UTRN: variants seen among roughly 807,000 people sequenced by gnomAD.
The protein encoded by UTRN is dystrophin-related protein 1.
Under a neutral mutation model 463.9 loss-of-function variants are expected in UTRN, and 283 were observed. The observed-to-expected ratio is 0.61, with a 90% confidence interval of 0.55 to 0.67. The LOEUF is 0.67. Ranked by LOEUF, UTRN falls within the 30% of genes least tolerant of loss-of-function variation. The pLI is 0.00. For synonymous variants in UTRN, 1,442 were observed against 1,431.5 expected, an observed-to-expected ratio of 1.01 and a Z score of -0.17; for missense variants, 3,922 against 4,084.3, an observed-to-expected ratio of 0.96 and a Z score of 1.08.
chr6:144,428,692 A>G (rs1280913204), intron 7 of UTRN, 86 bp from the exon 8 acceptor site: 3 of 695,950 alleles, frequency 4.3e-6, no homozygotes, highest in Admixed American at 3.6e-5. Flanking sequence ...AAAATAATCT[A>G]AAACTAAAAT....
At position 144,462,517 on chromosome 6, in the gene UTRN, C is replaced by T. The variant is rs537609863; in HGVS notation, c.2854-137C>T. 3.6e-5 allele frequency: 27 copies of T among 759,602 alleles called. No individual in the cohort carries two copies. In the African/African-American group the frequency reaches 4.6e-4, roughly 13 times the overall value. The allele number at this position is 759,602 out of a possible 1,614,324, so 47.1% of individuals were successfully genotyped here. A position where few individuals can be genotyped will look rare whatever the true frequency, so the allele number is the denominator to read the frequency against. On this transcript the variant is annotated intron_variant, in intron 22 of 74. Coordinates refer to ENST00000367545, the MANE Select transcript of UTRN (RefSeq NM_007124.3). The stretch of plus-strand genomic sequence containing the variant: ...CACAGTGGTTGAACTAATTCACACT[C>T]CCACCCACTGTTCTTTTTAGATAAA...
chr6:144,690,412 T>C lies in UTRN; in HGVS notation c.7653-9675T>C, dbSNP rs1783276241. Among the ~76,000 whole-genome samples, 3 of 151,952 alleles carry C rather than the reference T, an allele frequency of 2.0e-5. 1 individual carries two copies. In the South Asian group the frequency reaches 6.2e-4, roughly 32 times the overall value. Reference sequence around the variant, plus strand: ...GCAGCATTCCACTAACAGCAACAGCTAGCAAAGTTCCAGCCAGTCTGCACT... The same window carrying C: ...GCAGCATTCCACTAACAGCAACAGCCAGCAAAGTTCCAGCCAGTCTGCACT... On this transcript the variant is annotated intron_variant, in intron 52 of 74. Transcript: ENST00000367545.
intron 51 of UTRN, among the ~76,000 whole-genome samples, chr6:144,652,618 C>G (rs1478117348): frequency 6.6e-6 from 1 of 152,128 alleles, no homozygotes; most frequent in African/African-American, 2.4e-5. Flanking sequence ...AACTTTAGAC[C>G]GTAGTATCAC....
intron 51 of UTRN, among the ~76,000 whole-genome samples, chr6:144,664,461 T>C (rs2128674418): frequency 6.9e-6 from 1 of 145,138 alleles, no homozygotes; most frequent in Non-Finnish European, 1.5e-5. Context: ...TTTTCTACTC[T>C]GTTGTCTTAC....
intron 13 of UTRN, 143 bp downstream of exon 13, chr6:144,440,614 G>A (rs935073732): frequency 8.1e-6 from 9 of 1,109,474 alleles, no homozygotes; most frequent in Non-Finnish European, 1.2e-5. Context: ...TCTCAGTTGG[G>A]GTTCTACAGT....
intron 16 of UTRN, among the ~76,000 whole-genome samples, chr6:144,448,312 T>C (rs1455793864): frequency 6.6e-6 from 1 of 152,250 alleles, no homozygotes; most frequent in Non-Finnish European, 1.5e-5. Flanking sequence ...ACGCTATGAT[T>C]CCATTCATAG....
At chr6:144,496,147 T>C (rs1312607453) in intron 33 of UTRN, among the ~76,000 whole-genome samples, 1 of 152,224 alleles carries the variant, frequency 6.6e-6, no homozygotes, top group Non-Finnish European at 1.5e-5. Context: ...GCAAAGAATG[T>C]GTGGAAGTGT....
intron 51 of UTRN, among the ~76,000 whole-genome samples, chr6:144,621,918 G>T (rs1269415445): frequency 6.6e-6 from 1 of 151,060 alleles, no homozygotes; most frequent in Non-Finnish European, 1.5e-5. Context: ...CTTCCTCCTT[G>T]TCCTCCTTTT....
intron 52 of UTRN, among the ~76,000 whole-genome samples, chr6:144,688,872 G>C (rs1165332157): frequency 3.3e-5 from 5 of 152,202 alleles, no homozygotes; most frequent in Non-Finnish European, 7.3e-5. Context: ...AGGTGTCCAT[G>C]AGTAAAAACC....
intron 51 of UTRN, among the ~76,000 whole-genome samples, chr6:144,653,378 G>T (rs1166351412): frequency 6.6e-6 from 1 of 152,128 alleles, no homozygotes; most frequent in Admixed American, 6.5e-5. Flanking sequence ...GAGGTCAGGA[G>T]ATTGAGACCA....
chr6:144,362,249 T>A (rs1779144636), intron 2 of UTRN, among the ~76,000 whole-genome samples: 1 of 152,178 alleles, frequency 6.6e-6, no homozygotes, highest in Non-Finnish European at 1.5e-5. Flanking sequence ...AGGAGCCAAC[T>A]GAGGGAGGAT....
At position 144,438,875 on chromosome 6, in the gene UTRN, A is replaced by G. The variant is rs1399357645; in HGVS notation, c.1372A>G (p.Lys458Glu). Residue 458 changes from lysine (K) to glutamate (E), a missense_variant, in exon 12 of 75, where the codon AAG (lysine) becomes GAG (glutamate). Physicochemically the swap from Lys to Glu is moderately conservative, Grantham distance 56 (BLOSUM62 1). Coordinates refer to ENST00000367545, the MANE Select transcript of UTRN (RefSeq NM_007124.3). ...PLDDDVKSLQ[K>E]LLEEHKSLQS... ...GGATGATGATGTAAAATCTCTACAAAAGCTGCTAGAAGAACATAAAGTAAA... is the reference window on the plus strand; with the variant it reads ...GGATGATGATGTAAAATCTCTACAAGAGCTGCTAGAAGAACATAAAGTAAA... 2.0e-5 allele frequency: 32 copies of G among 1,614,162 alleles called. No individual in the cohort carries two copies. Among genetic ancestry groups the G allele is most frequent in the Non-Finnish European group, 2.5e-5 (29 of 1,180,030 alleles).
At chr6:144,632,539 A>G (rs1324111538) in intron 51 of UTRN, among the ~76,000 whole-genome samples, 1 of 152,150 alleles carries the variant, frequency 6.6e-6, no homozygotes, top group Non-Finnish European at 1.5e-5. Context: ...CTTTCTTGAC[A>G]GCAGAGATGT....
intron 2 of UTRN, among the ~76,000 whole-genome samples, chr6:144,314,175 C>T (rs1775127489): frequency 6.6e-6 from 1 of 151,718 alleles, no homozygotes; most frequent in Non-Finnish European, 1.5e-5. Flanking sequence ...TAGAGGGAGC[C>T]AGCGTTGGGA....
intron 2 of UTRN, among the ~76,000 whole-genome samples, chr6:144,394,808 A>T (rs978363583): frequency 1.3e-5 from 2 of 152,170 alleles, no homozygotes; most frequent in Non-Finnish European, 2.9e-5. Context: ...CCCTCATAAC[A>T]TGAGGAAAAT....
chr6:144,612,276 A>G (rs1805605518), intron 51 of UTRN, among the ~76,000 whole-genome samples: 1 of 152,190 alleles, frequency 6.6e-6, no homozygotes, highest in South Asian at 2.1e-4. Flanking sequence ...AATTCCTAGA[A>G]GAAAACATGG....
chr6:144,482,292 C>T lies in UTRN; in HGVS notation c.3591C>T (p.Pro1197=). The stretch of plus-strand genomic sequence containing the variant: ...TCAAGTTATTAGCTGCCAAGGTGCC[C>T]TCTGGTGGCCAGGAGTTGACGTCTG... ...DNIKLLAAKV[P]SGGQELTSEL... Residue 1197 remains proline (P), a synonymous_variant, in exon 27 of 75, where the codon CCC becomes CCT. Transcript: ENST00000367545. The T allele has an allele frequency of 6.2e-7, 1 of 1,609,596 alleles. No individual in the cohort carries two copies. Among genetic ancestry groups the T allele is most frequent in the Non-Finnish European group, 8.5e-7 (1 of 1,178,874 alleles).
intron 51 of UTRN, among the ~76,000 whole-genome samples, chr6:144,664,200 G>A (rs1780159911): frequency 6.6e-6 from 1 of 152,230 alleles, no homozygotes; most frequent in Admixed American, 6.5e-5. Flanking sequence ...ACCAATGTGT[G>A]TGCATGTGTG....
intron 3 of UTRN, among the ~76,000 whole-genome samples, chr6:144,410,798 G>C (rs903864505): frequency 7.9e-6 from 1 of 127,048 alleles, no homozygotes. Flanking sequence ...GTGTGTATAT[G>C]TGTGTGTGTG....
Sources: gnomAD v4.1 joint callset for allele counts (sites outside exome capture counted in the v4.1 genomes callset) on GRCh38, gnomAD v4.1.1 for gene constraint, MANE v1.5 for transcripts, NCBI Gene and HGNC (gene_info 2026-07-23, HGNC 2026-07-21) for gene names.